Variants in BTAF1 observed in about 807,000 individuals in gnomAD.
The protein encoded by BTAF1 is TATA-binding protein-associated factor 172.
Under a neutral mutation model 227.1 loss-of-function variants are expected in BTAF1, and 38 were observed. That is an observed-to-expected ratio of 0.17 (90% CI 0.13 to 0.22). The LOEUF (loss-of-function observed/expected upper bound fraction) is 0.22, where lower values mean the gene tolerates loss of function less well. BTAF1 is among the 10% of genes least tolerant of loss of function. The probability of loss-of-function intolerance (pLI) is 1.00; values close to 1 mark genes in which losing one functional copy is unlikely to be tolerated. For synonymous variants in BTAF1, 742 were observed against 751.9 expected, an observed-to-expected ratio of 0.99 and a Z score of 0.21; for missense variants, 1,598 against 2,204.0, an observed-to-expected ratio of 0.73 and a Z score of 5.51.
chr10:92,000,734 A>G (rs1250920994), intron 25 of BTAF1, among the ~76,000 whole-genome samples: 1 of 152,020 alleles, frequency 6.6e-6, no homozygotes, highest in Admixed American at 6.6e-5. Context: ...TTGTATTTTT[A>G]GTAGAGACGG....
chr10:92,019,594 C>T (rs1040319880), intron 34 of BTAF1, among the ~76,000 whole-genome samples: 3 of 152,160 alleles, frequency 2.0e-5, no homozygotes, highest in Non-Finnish European at 2.9e-5. Context: ...AACTTTTTCA[C>T]GATGACTACA....
Position 91,994,597 on chromosome 10 carries a change from G to C in BTAF1, c.3262G>C (p.Val1088Leu). ...PAQELVNSLQ[V>L]FETAAASMDS... is the part of the protein sequence containing the mutation. ...TCAAGAATTGGTGAATTCTCTGCAGGTTTTTGAAACAGCAGCAGCTTCAAT... is the reference window on the plus strand; with the variant it reads ...TCAAGAATTGGTGAATTCTCTGCAGCTTTTTGAAACAGCAGCAGCTTCAAT... The change falls in exon 23 of 38, where the codon GTT becomes CTT. Residue 1088 changes from valine to leucine, a missense_variant. This residue lies in a region of BTAF1 where 425 missense variants were observed against 491.2 expected (regional missense o/e 0.87). Transcript: ENST00000265990. 6.2e-7 allele frequency: 1 copy of C among 1,614,088 alleles called. No homozygotes were observed. The highest frequency in any genetic ancestry group is 8.5e-7 in the Non-Finnish European group (1 of 1,179,968).
intron 19 of BTAF1, among the ~76,000 whole-genome samples, chr10:91,987,112 C>CTTTTTTTTTTTTTTTTTTTTTTTTT (rs11347841): frequency 8.7e-6 from 1 of 114,974 alleles, no homozygotes; most frequent in African/African-American, 3.0e-5. Flanking sequence ...CAAAAACTGG[C>CTTTTTTTTTTTTTTTTTTTTTTTTT]TTTTTTTTTT....
chr10:92,025,822 A>AC (rs1851469069), intron 35 of BTAF1, among the ~76,000 whole-genome samples: 1 of 151,394 alleles, frequency 6.6e-6, no homozygotes, highest in Admixed American at 6.6e-5. Flanking sequence ...AAAAAAAAAA[A>AC]AAAAAAAAAA....
At position 91,982,637 on chromosome 10, in the gene BTAF1, T is replaced by C; in HGVS notation, c.2099T>C (p.Val700Ala). The change falls in exon 18 of 38, where the codon GTA (valine) becomes GCA (alanine). Residue 700 changes from valine to alanine, a missense_variant. By Grantham distance (64) the Val-to-Ala change is moderately conservative. Coordinates refer to ENST00000265990, the MANE Select transcript of BTAF1 (RefSeq NM_003972.3). ...CCICDPGVNV[V>A]TQEIKPAESL... ...ATTTGTGATCCAGGTGTAAATGTGG[T>C]AACTCAAGAAATTAAACCAGCTGAA... 1 of 1,613,866 alleles carries C rather than the reference T, an allele frequency of 6.2e-7. No homozygotes were observed. Among genetic ancestry groups the C allele is most frequent in the Non-Finnish European group, 8.5e-7 (1 of 1,179,864 alleles).
At chr10:92,003,278 C>G (rs911832894) in intron 25 of BTAF1, among the ~76,000 whole-genome samples, 4 of 151,992 alleles carry the variant, frequency 2.6e-5, no homozygotes, top group African/African-American at 9.7e-5. Context: ...AAGTTTTAAT[C>G]TTTTAGCAGC....
In BTAF1 at chr10:91,984,366, A is replaced by C. The variant is rs969811060; in HGVS notation, c.2389A>C (p.Asn797His). 6.2e-7 allele frequency: 1 copy of C among 1,612,768 alleles called. No individual in the cohort carries two copies. The highest frequency in any genetic ancestry group is 1.7e-5 in the Admixed American group (1 of 59,942). ...DVHIEVGNRV[N>H]NNVLTIDQAS... The stretch of plus-strand genomic sequence containing the variant: ...ACATATTGAAGTTGGTAATCGAGTA[A>C]ACAACAATGTTTTAACAATAGATCA... Residue 797 changes from asparagine to histidine, a missense_variant, in exon 19 of 38, where the codon AAC (asparagine) becomes CAC (histidine). By Grantham distance (68) the Asn-to-His change is moderately conservative. Transcript: ENST00000265990.
At chr10:91,998,143 A>G (rs1455041837) in intron 25 of BTAF1, among the ~76,000 whole-genome samples, 2 of 139,670 alleles carry the variant, frequency 1.4e-5, no homozygotes, top group Non-Finnish European at 3.2e-5. Flanking sequence ...AAAAAAAAAA[A>G]GAAAAGAAAA....
Position 92,016,328 on chromosome 10 carries a change from GC to G in BTAF1, c.4585-10del, listed in dbSNP as rs1850722776. 10 of 1,585,536 alleles carry G rather than the reference GC, an allele frequency of 6.3e-6. No individual in the cohort carries two copies. The highest frequency in any genetic ancestry group is 8.5e-6 in the Non-Finnish European group (10 of 1,170,714). On this transcript the variant is annotated splice_polypyrimidine_tract_variant and intron_variant, in intron 32 of 37. Transcript: ENST00000265990. ...TATACTTAAAGCTTCTCCCACGGGG[GC>G]CATTTTACAGGTTCAGCTCTATGAA...
intron 19 of BTAF1, among the ~76,000 whole-genome samples, chr10:91,988,214 C>T (rs1342431953): frequency 6.6e-6 from 1 of 152,248 alleles, no homozygotes; most frequent in Non-Finnish European, 1.5e-5. Flanking sequence ...CCACATTAGT[C>T]TCTGCATTTT....
At chr10:92,018,540 T>TG (rs1850893762) in intron 33 of BTAF1, among the ~76,000 whole-genome samples, 1 of 152,090 alleles carries the variant, frequency 6.6e-6, no homozygotes, top group Non-Finnish European at 1.5e-5. Context: ...CATTGTCTGG[T>TG]GGGGGAGACA....
chr10:91,934,179 T>C lies in BTAF1; in HGVS notation c.15-1478T>C, dbSNP rs535519771. 6.6e-5 allele frequency among the ~76,000 whole-genome samples: 10 copies of C among 152,324 alleles called. No homozygotes were observed. The South Asian group carries it at 1.7e-3, about 25-fold the overall frequency. On this transcript the variant is annotated intron_variant, in intron 1 of 37. Transcript: ENST00000265990. ...AATTAACTGTGTTGTATTACTCTCT[T>C]TGTATGACTAGCTTCATAGTTTGAG...
intron 4 of BTAF1, among the ~76,000 whole-genome samples, chr10:91,946,355 G>T (rs951194891): frequency 2.0e-5 from 3 of 152,058 alleles, no homozygotes; most frequent in Non-Finnish European, 4.4e-5. Flanking sequence ...GTGAAACTCT[G>T]TCTAAAAAAA....
chr10:91,941,791 A>G (rs914815431), intron 3 of BTAF1, among the ~76,000 whole-genome samples: 5 of 152,230 alleles, frequency 3.3e-5, no homozygotes, highest in East Asian at 3.8e-4. Context: ...TTTAACATAT[A>G]CATTTTAACA....
Position 91,995,556 on chromosome 10 carries a change from GT to G in BTAF1, c.3310-812del, listed in dbSNP as rs1454872738. ...CCGGGCGTGATGGGACATGCCTGTAGTCCCAGGTACTTGGGAGGCTGAGGCA... is the reference window on the plus strand; with the variant it reads ...CCGGGCGTGATGGGACATGCCTGTAGCCCAGGTACTTGGGAGGCTGAGGCA... On this transcript the variant is annotated intron_variant, in intron 23 of 37. Coordinates refer to ENST00000265990, the MANE Select transcript of BTAF1 (RefSeq NM_003972.3). 1.1e-4 allele frequency among the ~76,000 whole-genome samples: 16 copies of G among 152,002 alleles called. No homozygotes were observed. In the East Asian group the frequency reaches 2.9e-3, roughly 28 times the overall value.
intron 12 of BTAF1, among the ~76,000 whole-genome samples, chr10:91,963,498 G>A (rs1051435195): frequency 1.3e-5 from 2 of 151,938 alleles, no homozygotes; most frequent in Non-Finnish European, 2.9e-5. Context: ...AAACTCCTAA[G>A]CTCAAGAGAT....
Position 91,957,075 on chromosome 10 carries a change from T to C in BTAF1, c.832-150T>C, listed in dbSNP as rs185017857. Reference sequence around the variant, plus strand: ...AATCTATTGAGAGAAATTTTATCAGTAAAAATATATCTTAATTAGTTAAAA... The same window carrying C: ...AATCTATTGAGAGAAATTTTATCAGCAAAAATATATCTTAATTAGTTAAAA... On this transcript the variant is annotated intron_variant, in intron 7 of 37. Coordinates refer to ENST00000265990, the MANE Select transcript of BTAF1 (RefSeq NM_003972.3). 4.7e-3 allele frequency: 2,434 copies of C among 517,384 alleles called. 10 individuals are homozygous for C. Among genetic ancestry groups the C allele is most frequent in the Non-Finnish European group, 6.3e-3 (1,854 of 294,142 alleles). 32.0% of individuals were successfully genotyped at this position (517,384 alleles called of 1,614,324 possible).
rs1844561774 is a variant in BTAF1, at chr10:91,935,689, G to A, written c.47G>A (p.Gly16Asp). ...LDRLFILLDT[G>D]TTPVTRKAAA... ...CGCCTTTTTATTTTACTGGATACTG[G>A]CACTACTCCTGTTACAAGAAAAGCT... Residue 16 changes from glycine (G) to aspartate (D), a missense_variant, in exon 2 of 38, where the codon GGC (glycine) becomes GAC (aspartate). Around this residue, in one of 10 missense-constraint regions of BTAF1, gnomAD observed 298 missense variants for 395.2 expected, o/e 0.75. Coordinates refer to ENST00000265990, the MANE Select transcript of BTAF1 (RefSeq NM_003972.3). 6.2e-7 allele frequency: 1 copy of A among 1,613,420 alleles called. No individual in the cohort carries two copies.
chr10:91,934,486 C>CT (rs1317850365), intron 1 of BTAF1, among the ~76,000 whole-genome samples: 1 of 152,130 alleles, frequency 6.6e-6, no homozygotes, highest in Non-Finnish European at 1.5e-5. Flanking sequence ...ATCCTCCCAC[C>CT]TCCACCTCCC....
Sources: gnomAD v4.1 joint callset for allele counts (sites outside exome capture counted in the v4.1 genomes callset) on GRCh38, gnomAD v4.1.1 for gene constraint, gnomAD v4.1.1 regional missense constraint, MANE v1.5 for transcripts, NCBI Gene and HGNC (gene_info 2026-07-23, HGNC 2026-07-21) for gene names.